Variants in HEPHL1 observed in about 807,000 individuals in gnomAD.
HEPHL1 encodes hephaestin like 1.
Under a neutral mutation model 122.0 loss-of-function variants are expected in HEPHL1, and 123 were observed. The ratio of observed to expected loss-of-function variants is 1.01; its 90% CI spans 0.87 to 1.17. HEPHL1 has a LOEUF of 1.17. Ranked by LOEUF, HEPHL1 falls within the 50% of genes most tolerant of loss-of-function variation. The probability of loss-of-function intolerance (pLI) is 0.00; values close to 1 mark genes in which losing one functional copy is unlikely to be tolerated. For synonymous variants in HEPHL1, 527 were observed against 508.9 expected, an observed-to-expected ratio of 1.04 and a Z score of -0.48; for missense variants, 1,452 against 1,430.5, an observed-to-expected ratio of 1.01 and a Z score of -0.24.
chr11:94,051,796 G>T (rs557926493), intron 2 of HEPHL1, among the ~76,000 whole-genome samples: 38 of 152,094 alleles, frequency 2.5e-4, no homozygotes, highest in African/African-American at 8.4e-4. Flanking sequence ...AATCCATTTT[G>T]ATTTGATTTG....
intron 12 of HEPHL1, among the ~76,000 whole-genome samples, chr11:94,090,439 C>T (rs1320343075): frequency 3.3e-5 from 5 of 152,144 alleles, no homozygotes; most frequent in East Asian, 1.9e-4. Flanking sequence ...CTCCATCCCA[C>T]GGGGCTAGCA....
chr11:94,035,530 C>T (rs546654310), intron 1 of HEPHL1, among the ~76,000 whole-genome samples: 1 of 152,224 alleles, frequency 6.6e-6, no homozygotes, highest in East Asian at 1.9e-4. Context: ...TTCTAGGGTT[C>T]ATGTGCACAA....
chr11:94,052,259 A>G (rs1004665341), intron 2 of HEPHL1, among the ~76,000 whole-genome samples: 1 of 152,044 alleles, frequency 6.6e-6, no homozygotes, highest in Non-Finnish European at 1.5e-5. Flanking sequence ...TGAACATGAA[A>G]TGTTTTTCCA....
Position 94,045,570 on chromosome 11 carries a change from C to T in HEPHL1, c.171-103C>T, listed in dbSNP as rs1233136583. The T allele has an allele frequency of 2.0e-5, 20 of 991,044 alleles. 1 individual carries two copies. The highest frequency in any genetic ancestry group is 2.6e-5 in the Non-Finnish European group (18 of 682,112). The allele number at this position is 991,044 out of a possible 1,614,324, so 61.4% of individuals were successfully genotyped here. On this transcript the variant is annotated intron_variant, in intron 1 of 19. Transcript: ENST00000315765. ...AGAGGTTGCAGCTTATAGTGAACAC[C>T]AAATGAGAGGTCATACATGCAATAC...
chr11:94,032,294 G>T (rs764449217), intron 1 of HEPHL1, among the ~76,000 whole-genome samples: 1 of 152,106 alleles, frequency 6.6e-6, no homozygotes, highest in Non-Finnish European at 1.5e-5. Context: ...TCCAGCCTCC[G>T]AGGCCAAGGC....
At chr11:94,104,484 A>C in intron 15 of HEPHL1, 44 bp from the exon 16 acceptor site, 1 of 1,340,464 alleles carries the variant, frequency 7.5e-7, no homozygotes, top group Non-Finnish European at 1.1e-6. Flanking sequence ...AATATTATTA[A>C]ATTACTTAAT....
chr11:94,045,945 T>C (rs1945832081), intron 2 of HEPHL1, 28 bp downstream of exon 2: 1 of 1,603,606 alleles, frequency 6.2e-7, no homozygotes, highest in African/African-American at 1.3e-5. Context: ...ATTACTGGGG[T>C]CTTGTCTCTA....
rs1472333274 is a variant in HEPHL1, at chr11:94,102,952, T to A, written c.2614T>A (p.Ser872Thr). 1.1e-5 allele frequency: 18 copies of A among 1,608,054 alleles called. No individual in the cohort carries two copies. Among genetic ancestry groups the A allele is most frequent in the Non-Finnish European group, 1.5e-5 (18 of 1,174,810 alleles). Residue 872 changes from serine to threonine, a missense_variant, in exon 15 of 20, where the codon TCC becomes ACC. By Grantham distance (58) the Ser-to-Thr change is moderately conservative. Transcript: ENST00000315765. Reference protein sequence around the residue: ...KTYRWNIPKRSGPGPSDPNCI... With the variant: ...KTYRWNIPKRTGPGPSDPNCI... ...TTATAGATGGAATATCCCTAAAAGA[T>A]CCGGTCCAGGGCCTTCTGATCCCAA...
chr11:94,024,088 T>C (rs1945604318), intron 1 of HEPHL1, among the ~76,000 whole-genome samples: 1 of 152,316 alleles, frequency 6.6e-6, no homozygotes, highest in South Asian at 2.1e-4. Context: ...CTCAGCCTCC[T>C]GGAGGGTGAA....
rs970213218 is a variant in HEPHL1 at position 94,113,944 on chromosome 11, A to G, written c.*2050A>G. On this transcript the variant is annotated 3_prime_UTR_variant, in exon 20 of 20. Transcript: ENST00000315765. ...ACATTGTTTCCTCAAACATAACTACACTCCTTGTTCTCAGCCTCACTCTTG... is the reference window on the plus strand; with the variant it reads ...ACATTGTTTCCTCAAACATAACTACGCTCCTTGTTCTCAGCCTCACTCTTG... 6.6e-6 allele frequency among the ~76,000 whole-genome samples: 1 copy of G among 151,922 alleles called. No homozygotes were observed. Among genetic ancestry groups the G allele is most frequent in the East Asian group, 1.9e-4 (1 of 5,168 alleles).
intron 1 of HEPHL1, among the ~76,000 whole-genome samples, chr11:94,038,063 T>C (rs372912346): frequency 0.082 from 11,096 of 135,076 alleles, 544 homozygotes; most frequent in Middle Eastern, 0.096. Context: ...TCGAGAACTA[T>C]GTGAAGAATG....
intron 9 of HEPHL1, among the ~76,000 whole-genome samples, chr11:94,077,221 A>G (rs1946133297): frequency 6.6e-6 from 1 of 152,190 alleles, no homozygotes; most frequent in Non-Finnish European, 1.5e-5. Flanking sequence ...TAACGTTGAC[A>G]TTATCAAATC....
chr11:94,095,637 G>T (rs1357077407), intron 13 of HEPHL1, among the ~76,000 whole-genome samples: 2 of 152,156 alleles, frequency 1.3e-5, no homozygotes, highest in Non-Finnish European at 2.9e-5. Context: ...TCATGATATT[G>T]ATTCTTCCTA....
intron 2 of HEPHL1, among the ~76,000 whole-genome samples, chr11:94,060,092 TTATATATATATATATA>T (rs1164147552): frequency 0.011 from 29 of 2,596 alleles, no homozygotes; most frequent in Middle Eastern, 0.5. Flanking sequence ...TCATATTTTA[TTATATATATATATATA>T]TATATATATA....
intron 17 of HEPHL1, among the ~76,000 whole-genome samples, chr11:94,108,112 A>C (rs1234737688): frequency 6.6e-5 from 10 of 152,014 alleles, no homozygotes; most frequent in Non-Finnish European, 2.9e-5. Flanking sequence ...GAGGGGATAT[A>C]GTGGTATCTC....
At chr11:94,092,953 T>A (rs1324580795) in intron 12 of HEPHL1, among the ~76,000 whole-genome samples, 1 of 152,190 alleles carries the variant, frequency 6.6e-6, no homozygotes. Flanking sequence ...AAGTATCAAC[T>A]GTATCTATCT....
chr11:94,073,885 A>T (rs1486517274), intron 8 of HEPHL1, among the ~76,000 whole-genome samples: 1 of 152,134 alleles, frequency 6.6e-6, no homozygotes, highest in East Asian at 1.9e-4. Flanking sequence ...CTCTGTATCA[A>T]ATCAACAAAT....
At chr11:94,089,203 G>A (rs1946244693) in intron 12 of HEPHL1, among the ~76,000 whole-genome samples, 2 of 152,232 alleles carry the variant, frequency 1.3e-5, no homozygotes, top group East Asian at 1.9e-4. Flanking sequence ...GATGCAGGGC[G>A]TGCCTGGGAG....
At position 94,094,014 on chromosome 11, in the gene HEPHL1, A is replaced by AT. The variant is rs1565360567; in HGVS notation, c.2434+374_2434+375insT. On this transcript the variant is annotated intron_variant, in intron 13 of 19. Coordinates refer to ENST00000315765, the MANE Select transcript of HEPHL1 (RefSeq NM_001098672.2). ...TATATATATATATATATATATATAT[A>AT]AAACTTTAAGTTCTAGGGTACATGT... Among the ~76,000 whole-genome samples, 14 of 120,116 alleles carry AT rather than the reference A, an allele frequency of 1.2e-4. 1 individual carries two copies. The highest frequency in any genetic ancestry group is 4.1e-4 in the African/African-American group (11 of 26,612). The allele number at this position is 120,116 out of a possible 152,430, so 78.8% of individuals were successfully genotyped here.
Sources: gnomAD v4.1 joint callset for allele counts (sites outside exome capture counted in the v4.1 genomes callset) on GRCh38, gnomAD v4.1.1 for gene constraint, MANE v1.5 for transcripts, NCBI Gene and HGNC (gene_info 2026-07-23, HGNC 2026-07-21) for gene names.